Variants in HMGXB4 observed in about 807,000 individuals in gnomAD.
HMGXB4 encodes HMG-box containing 4.
HMGXB4 carries 27 observed loss-of-function variants against 63.9 expected under a neutral mutation model. The ratio of observed to expected loss-of-function variants is 0.42; its 90% confidence interval spans 0.31 to 0.58. The LOEUF (loss-of-function observed/expected upper bound fraction) is 0.58, where lower values mean the gene tolerates loss of function less well. HMGXB4 is among the 20% of genes least tolerant of loss of function. The pLI is 0.13. For synonymous variants in HMGXB4, 264 were observed against 265.3 expected, an observed-to-expected ratio of 0.99 and a Z score of 0.05; for missense variants, 624 against 700.7, an observed-to-expected ratio of 0.89 and a Z score of 1.24.
rs1423098038 is a variant in HMGXB4 at position 35,265,483 on chromosome 22, C to T, written c.1095C>T (p.Ser365=). ...EVTVTSGPPP[S]IPYAGAAAPP... Reference sequence around the variant, plus strand: ...CAGTGACATCTGGCCCTCCTCCCAGCATCCCATACGCTGGAGCAGCAGCAC... The same window carrying T: ...CAGTGACATCTGGCCCTCCTCCCAGTATCCCATACGCTGGAGCAGCAGCAC... The change falls in exon 5 of 11, where the codon AGC becomes AGT. Residue 365 remains serine (S), a synonymous_variant. Transcript: ENST00000216106. 1 of 1,613,862 alleles carries T rather than the reference C, an allele frequency of 6.2e-7. No individual in the cohort carries two copies. Among genetic ancestry groups the T allele is most frequent in the East Asian group, 2.2e-5 (1 of 44,846 alleles).
chr22:35,261,413 G>A (rs1922848168), intron 1 of HMGXB4, among the ~76,000 whole-genome samples: 1 of 144,178 alleles, frequency 6.9e-6, no homozygotes. Context: ...TCCAGCCTGG[G>A]CAACAGAGCA....
intron 5 of HMGXB4, among the ~76,000 whole-genome samples, chr22:35,269,919 T>C (rs536136276): frequency 1.3e-5 from 2 of 152,126 alleles, no homozygotes; most frequent in African/African-American, 2.4e-5. Context: ...TCAAAGCTTC[T>C]GTGAGTTGTG....
chr22:35,271,932 AT>A (rs1380942544), intron 5 of HMGXB4, among the ~76,000 whole-genome samples: 6 of 152,234 alleles, frequency 3.9e-5, no homozygotes, highest in African/African-American at 1.4e-4. Context: ...AACCAAGAAC[AT>A]TGGAGAACTT....
Position 35,263,081 on chromosome 22 carries a change from G to A in HMGXB4, c.35G>A (p.Cys12Tyr), listed in dbSNP as rs1450581806. 6.2e-7 allele frequency: 1 copy of A among 1,613,360 alleles called. No homozygotes were observed. ...AYDDSVKKED[C>Y]FDGDHTFEDI... is the part of the protein sequence containing the mutation. ...CAAATAAACCTGTGCTTCTCAGATT[G>A]TTTTGATGGTGATCATACCTTTGAG... Residue 12 changes from cysteine (C) to tyrosine (Y), a missense_variant, in exon 3 of 11, where the codon TGT becomes TAT. Physicochemically the swap from Cys to Tyr is radical, Grantham distance 194 (BLOSUM62 -2). Around this residue, in one of 2 missense-constraint regions of HMGXB4, gnomAD observed 472 missense variants for 470.6 expected, o/e 1.00. Coordinates refer to ENST00000216106, the MANE Select transcript of HMGXB4 (RefSeq NM_001003681.3).
At chr22:35,269,509 A>G (rs951088342) in intron 5 of HMGXB4, among the ~76,000 whole-genome samples, 1 of 152,216 alleles carries the variant, frequency 6.6e-6, no homozygotes, top group Non-Finnish European at 1.5e-5. Flanking sequence ...AATGTCCTTA[A>G]TAAGCACTTT....
upstream of HMGXB4, among the ~76,000 whole-genome samples, chr22:35,256,854 G>T (rs1426250252): frequency 6.6e-6 from 1 of 152,202 alleles, no homozygotes; most frequent in Non-Finnish European, 1.5e-5. Flanking sequence ...CTCATTGGTC[G>T]AAGTTCTCAA....
chr22:35,267,138 G>A (rs2413335), intron 5 of HMGXB4, among the ~76,000 whole-genome samples: 6 of 65,832 alleles, frequency 9.1e-5, no homozygotes, highest in Non-Finnish European at 1.7e-4. Flanking sequence ...TTATCAGTAT[G>A]TGTGTGTGTA....
the HMGXB4 span, among the ~76,000 whole-genome samples, chr22:35,246,006 T>C: frequency 6.6e-6 from 1 of 152,114 alleles, no homozygotes; most frequent in African/African-American, 2.4e-5. Flanking sequence ...GAGGGGTGGC[T>C]AATTACTGCT....
At chr22:35,242,975 G>A in the HMGXB4 span, among the ~76,000 whole-genome samples, 1 of 152,202 alleles carries the variant, frequency 6.6e-6, no homozygotes, top group South Asian at 2.1e-4. Flanking sequence ...ATTTTTGTCT[G>A]TGAACAAAAT....
upstream of HMGXB4, among the ~76,000 whole-genome samples, chr22:35,254,938 G>A (rs4594548): frequency 2.8e-4 from 43 of 152,292 alleles, no homozygotes; most frequent in East Asian, 8.1e-3. Context: ...AAGGCTTTTA[G>A]GTCCAAGCTA....
At position 35,288,180 on chromosome 22, in the gene HMGXB4, T is replaced by A. The variant is rs1437019678; in HGVS notation, c.1469-58T>A. ...AAGGGAAAATCAGGAAGAACAACTTTGTGTTGTTCAAGGCTGTAGGCAAGT... is the reference window on the plus strand; with the variant it reads ...AAGGGAAAATCAGGAAGAACAACTTAGTGTTGTTCAAGGCTGTAGGCAAGT... On this transcript the variant is annotated intron_variant, in intron 8 of 10. Coordinates refer to ENST00000216106, the MANE Select transcript of HMGXB4 (RefSeq NM_001003681.3). 4 of 1,304,406 alleles carry A rather than the reference T, an allele frequency of 3.1e-6. No homozygotes were observed. The East Asian group carries it at 1.1e-4, about 35-fold the overall frequency. 80.8% of individuals were successfully genotyped at this position (1,304,406 alleles called of 1,614,324 possible).
At chr22:35,280,573 T>C (rs1054460295) in intron 5 of HMGXB4, among the ~76,000 whole-genome samples, 1 of 152,214 alleles carries the variant, frequency 6.6e-6, no homozygotes, top group African/African-American at 2.4e-5. Context: ...TTGGTCTTCC[T>C]GCCTTTGCTC....
the HMGXB4 span, among the ~76,000 whole-genome samples, chr22:35,248,701 G>A: frequency 7.2e-5 from 11 of 152,100 alleles, no homozygotes; most frequent in Admixed American, 2.6e-4. Context: ...CACTACACCC[G>A]GCTGGTCCCA....
intron 4 of HMGXB4, chr22:35,264,231 C>G (rs967676779): frequency 6.0e-6 from 3 of 496,214 alleles, no homozygotes; most frequent in Admixed American, 6.2e-5. Context: ...ACTCACAGAA[C>G]CAGTTTTCTT....
chr22:35,276,269 T>C (rs1923908341), intron 5 of HMGXB4, among the ~76,000 whole-genome samples: 1 of 152,234 alleles, frequency 6.6e-6, no homozygotes, highest in Non-Finnish European at 1.5e-5. Flanking sequence ...AGAGTCTCAG[T>C]CCAACAGAAT....
rs372866701 is a variant in HMGXB4, at chr22:35,288,436, C to T, written c.1638+29C>T. ...AATACAACTATCAGCAGCATGACTA[C>T]AGTTTCCCATATAGTTTCCCATATA... On this transcript the variant is annotated intron_variant, in intron 9 of 10. Transcript: ENST00000216106. 10 of 1,523,944 alleles carry T rather than the reference C, an allele frequency of 6.6e-6. No individual in the cohort carries two copies. In the African/African-American group the frequency reaches 1.1e-4, roughly 17 times the overall value. The allele number at this position is 1,523,944 out of a possible 1,614,324, so 94.4% of individuals were successfully genotyped here.
rs535154475 is a variant in HMGXB4 at position 35,260,204 on chromosome 22, A to G, written c.-68-2119A>G. Among the ~76,000 whole-genome samples the G allele has an allele frequency of 3.3e-5, 5 of 152,336 alleles. No individual in the cohort carries two copies. In the South Asian group the frequency reaches 1.0e-3, roughly 32 times the overall value. On this transcript the variant is annotated intron_variant, in intron 1 of 10. Transcript: ENST00000216106. ...CTGATGACTGTATTTATGACATTGA[A>G]TATTTAAGTTTTTTGCCATTATTTC...
intron 5 of HMGXB4, among the ~76,000 whole-genome samples, chr22:35,266,176 A>G (rs1436341063): frequency 1.3e-5 from 2 of 152,140 alleles, no homozygotes; most frequent in African/African-American, 2.4e-5. Flanking sequence ...CTTAGAATTC[A>G]CAGAAGGAGC....
At chr22:35,261,409 C>G (rs1233070530) in intron 1 of HMGXB4, among the ~76,000 whole-genome samples, 8 of 145,558 alleles carry the variant, frequency 5.5e-5, no homozygotes, top group African/African-American at 2.0e-4. Flanking sequence ...GCACTCCAGC[C>G]TGGGCAACAG....
Sources: gnomAD v4.1 joint callset for allele counts (sites outside exome capture counted in the v4.1 genomes callset) on GRCh38, gnomAD v4.1.1 for gene constraint, gnomAD v4.1.1 regional missense constraint, MANE v1.5 for transcripts, NCBI Gene and HGNC (gene_info 2026-07-23, HGNC 2026-07-21) for gene names.